MRC1: variants seen among roughly 807,000 people sequenced by gnomAD.
The protein encoded by MRC1 is mannose receptor C-type 1.
In MRC1, 62 loss-of-function variants were observed where a neutral mutation model predicts 102.9. That is an observed-to-expected ratio of 0.60 (90% CI 0.49 to 0.74). MRC1 has a LOEUF of 0.74. Ranked by LOEUF, MRC1 falls within the 30% of genes least tolerant of loss-of-function variation. The pLI is 0.00. For synonymous variants in MRC1, 457 were observed against 298.4 expected (o/e 1.53, Z -5.48); for missense variants, 1,237 against 862.8 (o/e 1.43, Z -5.43).
chr10:17,893,010 G>GAAA (rs1208089477), intron 22 of MRC1, among the ~76,000 whole-genome samples: 6 of 135,490 alleles, frequency 4.4e-5, no homozygotes, highest in African/African-American at 8.2e-5. Context: ...CTCCATCTAG[G>GAAA]AAAAAAAAAA....
intron 15 of MRC1, among the ~76,000 whole-genome samples, chr10:17,873,046 T>G (rs140027659): frequency 0.89 from 136,016 of 152,132 alleles, 60,877 homozygotes; most frequent in African/African-American, 0.91. Context: ...TGGTCTCTTA[T>G]CTACCAATGG....
At chr10:17,840,840 A>T in intron 5 of MRC1, 34 bp downstream of exon 5, 1 of 780,784 alleles carries the variant, frequency 1.3e-6, no homozygotes, top group Non-Finnish European at 2.4e-6. Context: ...GAATTAATCC[A>T]AATTTAAGTC....
intron 2 of MRC1, 52 bp downstream of exon 2, chr10:17,823,527 G>A (rs1445172525): frequency 1.3e-6 from 1 of 778,564 alleles, no homozygotes; most frequent in Non-Finnish European, 2.4e-6. Context: ...CGTCTTCTTA[G>A]TTGGAACCTG....
chr10:17,818,400 G>A (rs1406392271), intron 1 of MRC1, among the ~76,000 whole-genome samples: 3 of 152,014 alleles, frequency 2.0e-5, no homozygotes, highest in Admixed American at 2.0e-4. Flanking sequence ...TTCCAGTAGG[G>A]GACTATGGAC....
intron 4 of MRC1, among the ~76,000 whole-genome samples, chr10:17,836,330 T>A (rs2130617636): frequency 6.6e-6 from 1 of 152,296 alleles, no homozygotes; most frequent in African/African-American, 2.4e-5. Flanking sequence ...GCTCAATTAT[T>A]CTGTTTTGCA....
At chr10:17,855,684 G>A (rs1477489919) in intron 8 of MRC1, among the ~76,000 whole-genome samples, 1 of 151,434 alleles carries the variant, frequency 6.6e-6, no homozygotes, top group Non-Finnish European at 1.5e-5. Flanking sequence ...CTAAACAATG[G>A]CTTGGACATC....
In MRC1 at chr10:17,870,381, G is replaced by A. The variant is rs1262599218; in HGVS notation, c.2111+8G>A. 5 of 780,076 alleles carry A rather than the reference G, an allele frequency of 6.4e-6. No homozygotes were observed. Among genetic ancestry groups the A allele is most frequent in the Non-Finnish European group, 9.6e-6 (4 of 417,572 alleles). The allele number at this position is 780,076 out of a possible 1,614,324, so 48.3% of individuals were successfully genotyped here. On this transcript the variant is annotated splice_region_variant and intron_variant, in intron 13 of 29. Transcript: ENST00000569591. The stretch of plus-strand genomic sequence containing the variant: ...AATATGGCGATTAATAACGTAAGTG[G>A]TATTTTTATGGATTCCTCCTTTTTG...
intron 21 of MRC1, among the ~76,000 whole-genome samples, chr10:17,883,474 T>G (rs1006878864): frequency 4.6e-5 from 7 of 152,076 alleles, no homozygotes; most frequent in Non-Finnish European, 1.0e-4. Context: ...GGAAGAGTTT[T>G]TTTTTTTTTT....
chr10:17,885,811 A>G (rs1833585045), intron 22 of MRC1, among the ~76,000 whole-genome samples: 2 of 150,834 alleles, frequency 1.3e-5, no homozygotes, highest in African/African-American at 4.8e-5. Flanking sequence ...TAAAGATCAT[A>G]TGATCATCAT....
chr10:17,900,855 C>T lies in MRC1; in HGVS notation c.3551C>T (p.Pro1184Leu). The change falls in exon 25 of 30, where the codon CCC becomes CTC. Residue 1184 changes from proline (P) to leucine (L), a missense_variant. Physicochemically the swap from Pro to Leu is moderately conservative, Grantham distance 98 (BLOSUM62 -3). Transcript: ENST00000569591. ...VRYTNWAADE[P>L]KLKSACVYLD... ...TACACTAACTGGGCTGCTGATGAGC[C>T]CAAATTGAAATCAGCATGTGTTTAT... is the stretch of plus-strand genomic sequence containing the variant. The T allele has an allele frequency of 1.3e-6, 1 of 780,710 alleles. No individual in the cohort carries two copies. 48.4% of individuals were successfully genotyped at this position (780,710 alleles called of 1,614,324 possible).
At chr10:17,844,303 C>T (rs1253172857) in intron 5 of MRC1, among the ~76,000 whole-genome samples, 1 of 152,156 alleles carries the variant, frequency 6.6e-6, no homozygotes, top group African/African-American at 2.4e-5. Context: ...ACTGCAACCT[C>T]TGCCTCCCAG....
chr10:17,830,756 G>T (rs1023724185), intron 3 of MRC1, among the ~76,000 whole-genome samples: 6 of 151,040 alleles, frequency 4.0e-5, no homozygotes, highest in Non-Finnish European at 8.8e-5. Context: ...TAAATCCCTT[G>T]GTTTAAAATG....
chr10:17,836,060 G>T (rs1838657694), intron 4 of MRC1, among the ~76,000 whole-genome samples: 4 of 152,218 alleles, frequency 2.6e-5, no homozygotes, highest in Admixed American at 2.6e-4. Context: ...AGCTTGTGGG[G>T]ATTTGCTGAG....
At chr10:17,835,396 A>G (rs1838647488) in intron 4 of MRC1, among the ~76,000 whole-genome samples, 1 of 152,218 alleles carries the variant, frequency 6.6e-6, no homozygotes, top group African/African-American at 2.4e-5. Context: ...GGTCCTGGGG[A>G]CATCAAAGCT....
chr10:17,813,700 ATTT>A (rs1168166887), intron 1 of MRC1, among the ~76,000 whole-genome samples: 39 of 125,690 alleles, frequency 3.1e-4, no homozygotes, highest in African/African-American at 1.1e-3. Context: ...ATATATATAT[ATTT>A]TTTTTTTTTT....
At chr10:17,869,541 G>A (rs978813419) in intron 12 of MRC1, among the ~76,000 whole-genome samples, 1 of 152,132 alleles carries the variant, frequency 6.6e-6, no homozygotes. Flanking sequence ...GCATACTGGT[G>A]GGTGTGTCCC....
chr10:17,901,728 G>A (rs889736721), intron 25 of MRC1, among the ~76,000 whole-genome samples: 11 of 151,982 alleles, frequency 7.2e-5, no homozygotes, highest in East Asian at 1.9e-4. Flanking sequence ...TCTATAGATC[G>A]ATTGTCTTAA....
intron 28 of MRC1, 37 bp downstream of exon 28, chr10:17,907,735 GC>G (rs2130726010): frequency 2.6e-6 from 2 of 779,778 alleles, no homozygotes. Context: ...CATATCACTG[GC>G]TGCCATTTCT....
intron 23 of MRC1, among the ~76,000 whole-genome samples, chr10:17,894,902 G>A (rs1210193510): frequency 6.6e-6 from 1 of 152,142 alleles, no homozygotes; most frequent in Non-Finnish European, 1.5e-5. Flanking sequence ...GTTGGGCACT[G>A]TGGCTCATGC....
Sources: gnomAD v4.1 joint callset for allele counts (sites outside exome capture counted in the v4.1 genomes callset) on GRCh38, gnomAD v4.1.1 for gene constraint, MANE v1.5 for transcripts, NCBI Gene and HGNC (gene_info 2026-07-23, HGNC 2026-07-21) for gene names.